The following ARHGAP44 variants were observed in gnomAD, a reference collection of about 807,000 sequenced individuals.
ARHGAP44 encodes Rho GTPase activating protein 44, also known as rho GTPase-activating protein 44.
A neutral mutation model predicts 106.8 loss-of-function variants in ARHGAP44; 43 were observed. The observed-to-expected ratio is 0.40, with a 90% CI of 0.32 to 0.52. The LOEUF (loss-of-function observed/expected upper bound fraction) is 0.52, where lower values mean the gene tolerates loss of function less well. ARHGAP44 is among the 20% of genes least tolerant of loss of function. The probability of loss-of-function intolerance (pLI) is 0.48; values close to 1 mark genes in which losing one functional copy is unlikely to be tolerated. For missense variants in ARHGAP44, 866 were observed against 1,050.5 expected (o/e 0.82, Z 2.43); for synonymous variants, 439 against 410.3 (o/e 1.07, Z -0.85).
At chr17:12,943,788 A>G in intron 9 of ARHGAP44, 119 bp downstream of exon 9, 2 of 1,140,260 alleles carry the variant, frequency 1.8e-6, no homozygotes, top group Non-Finnish European at 1.3e-6. Context: ...TCACCTGTAG[A>G]TGAGCCTTTT....
At chr17:12,799,440 G>GT (rs1001752777) in intron 1 of ARHGAP44, among the ~76,000 whole-genome samples, 1 of 152,300 alleles carries the variant, frequency 6.6e-6, no homozygotes, top group South Asian at 2.1e-4. Flanking sequence ...TCAGTATGTG[G>GT]TTTTCAGTCA....
intron 1 of ARHGAP44, among the ~76,000 whole-genome samples, chr17:12,894,229 A>T (rs111298862): frequency 0.025 from 3,561 of 140,940 alleles, 150 homozygotes; most frequent in African/African-American, 0.094. Flanking sequence ...TGTGTGTGTG[A>T]GAGAGAGAGA....
Position 12,896,467 on chromosome 17 carries a change from G to C in ARHGAP44, c.154G>C (p.Ala52Pro). ...VSHSTHKKLT[A>P]CLQGQQGAEA... Reference sequence around the variant, plus strand: ...CCACAGCACGCACAAGAAGCTCACCGCATGTCTGCAGGGCCAGCAAGGGGC... The same window carrying C: ...CCACAGCACGCACAAGAAGCTCACCCCATGTCTGCAGGGCCAGCAAGGGGC... The change falls in exon 3 of 21, where the codon GCA becomes CCA. Residue 52 changes from alanine (A) to proline (P), a missense_variant. Around this residue, in one of 2 missense-constraint regions of ARHGAP44, gnomAD observed 448 missense variants for 646.9 expected, o/e 0.69. Transcript: ENST00000379672. 6.2e-7 allele frequency: 1 copy of C among 1,609,358 alleles called. No homozygotes were observed. The highest frequency in any genetic ancestry group is 8.5e-7 in the Non-Finnish European group (1 of 1,178,178).
intron 18 of ARHGAP44, among the ~76,000 whole-genome samples, chr17:12,977,046 T>C (rs999867170): frequency 4.6e-5 from 7 of 151,972 alleles, no homozygotes; most frequent in African/African-American, 1.7e-4. Context: ...CCCCAGGCTC[T>C]GAAGGCATTC....
chr17:12,871,015 GTTTGTTTACA>G (rs1167443065), intron 1 of ARHGAP44, among the ~76,000 whole-genome samples: 1 of 150,656 alleles, frequency 6.6e-6, no homozygotes, highest in Non-Finnish European at 1.5e-5. Flanking sequence ...TTCTCTTTTT[GTTTGTTTACA>G]TTTTGAAGAT....
At chr17:12,953,956 G>A (rs1323099163) in intron 13 of ARHGAP44, among the ~76,000 whole-genome samples, 4 of 151,960 alleles carry the variant, frequency 2.6e-5, no homozygotes, top group African/African-American at 7.3e-5. Context: ...GTGCAATCTC[G>A]GCTCACTGCA....
intron 1 of ARHGAP44, among the ~76,000 whole-genome samples, chr17:12,853,388 C>T (rs754216651): frequency 6.6e-5 from 10 of 152,182 alleles, no homozygotes; most frequent in East Asian, 1.9e-4. Flanking sequence ...GAAATGCCCA[C>T]GTCCCAGAGC....
chr17:12,966,109 T>G (rs2039383686), intron 16 of ARHGAP44, among the ~76,000 whole-genome samples: 1 of 148,568 alleles, frequency 6.7e-6, no homozygotes, highest in African/African-American at 2.5e-5. Flanking sequence ...AGAGCTGTGA[T>G]AGTGTCACTG....
At chr17:12,921,705 T>A (rs758928403) in intron 6 of ARHGAP44, among the ~76,000 whole-genome samples, 1 of 152,240 alleles carries the variant, frequency 6.6e-6, no homozygotes, top group Non-Finnish European at 1.5e-5. Flanking sequence ...AGATTTCAAC[T>A]ATTTTCTAGA....
chr17:12,947,689 G>GT (rs1404224725), intron 10 of ARHGAP44, among the ~76,000 whole-genome samples: 1 of 152,216 alleles, frequency 6.6e-6, no homozygotes, highest in Non-Finnish European at 1.5e-5. Context: ...TGACAGCTCT[G>GT]TTTCCTTCTC....
chr17:12,795,925 T>C (rs988785485), intron 1 of ARHGAP44, among the ~76,000 whole-genome samples: 1 of 152,162 alleles, frequency 6.6e-6, no homozygotes, highest in Non-Finnish European at 1.5e-5. Context: ...TTTCCAACTT[T>C]AGAGCTTATT....
chr17:12,834,638 T>C (rs548101269), intron 1 of ARHGAP44, among the ~76,000 whole-genome samples: 23 of 152,330 alleles, frequency 1.5e-4, no homozygotes, highest in African/African-American at 5.3e-4. Flanking sequence ...GTTACTAAAA[T>C]GTACTCTTGG....
intron 1 of ARHGAP44, among the ~76,000 whole-genome samples, chr17:12,838,449 A>G (rs1293120456): frequency 6.6e-6 from 1 of 152,186 alleles, no homozygotes; most frequent in Non-Finnish European, 1.5e-5. Context: ...TTTTGCCAGT[A>G]CCCGTATTAG....
rs557951524 is a variant in ARHGAP44, at chr17:12,894,241, A to T, written c.54-699A>T. Among the ~76,000 whole-genome samples, 364 of 148,084 alleles carry T rather than the reference A, an allele frequency of 2.5e-3. 2 individuals carry two copies. The highest frequency in any genetic ancestry group is 6.3e-3 in the African/African-American group (251 of 40,070). ...GTGTGTGTGTGTGAGAGAGAGAGAG[A>T]GTGTGTGTGTGTGTGTGTGCACGTG... is the stretch of plus-strand genomic sequence containing the variant. On this transcript the variant is annotated intron_variant, in intron 1 of 20. Transcript: ENST00000379672.
chr17:12,908,290 G>A (rs191809178), intron 3 of ARHGAP44, among the ~76,000 whole-genome samples: 2,116 of 145,252 alleles, frequency 0.015, 23 homozygotes, highest in Non-Finnish European at 0.023. Context: ...TCTGCCTCCC[G>A]GGTTCAAGCC....
intron 1 of ARHGAP44, among the ~76,000 whole-genome samples, chr17:12,868,102 A>C (rs1240129763): frequency 6.6e-6 from 1 of 151,502 alleles, no homozygotes; most frequent in Non-Finnish European, 1.5e-5. Flanking sequence ...TGCTACAAAG[A>C]CTCTTTCCTC....
chr17:12,926,536 TATATA>T (rs1357926008), intron 6 of ARHGAP44, among the ~76,000 whole-genome samples: 1 of 138,544 alleles, frequency 7.2e-6, no homozygotes, highest in Non-Finnish European at 1.6e-5. Flanking sequence ...TATACATACA[TATATA>T]TTATATATAT....
chr17:12,937,557 C>T (rs939790803), intron 7 of ARHGAP44, among the ~76,000 whole-genome samples: 1 of 152,140 alleles, frequency 6.6e-6, no homozygotes, highest in East Asian at 1.9e-4. Context: ...TGTTTGCCTG[C>T]CTGTGTCTCC....
chr17:12,803,014 C>T (rs1384546284), intron 1 of ARHGAP44, among the ~76,000 whole-genome samples: 1 of 130,986 alleles, frequency 7.6e-6, no homozygotes, highest in East Asian at 2.3e-4. Flanking sequence ...GCTCTGTCAC[C>T]CAGGCTGAAG....
Sources: allele counts gnomAD v4.1 joint callset (sites outside exome capture counted in the v4.1 genomes callset), GRCh38; gene constraint gnomAD v4.1.1; regional missense constraint gnomAD v4.1.1; transcripts MANE v1.5; gene names NCBI Gene and HGNC (gene_info 2026-07-23, HGNC 2026-07-21).